The following ACLY variants were observed in gnomAD, a reference collection of about 807,000 sequenced individuals.
The protein encoded by ACLY is ATP citrate lyase, also known as ATP-citrate synthase.
Under a neutral mutation model 133.0 loss-of-function variants are expected in ACLY, and 41 were observed. That is an observed-to-expected ratio of 0.31 (90% CI 0.24 to 0.40). The LOEUF (loss-of-function observed/expected upper bound fraction) is 0.40. Among genes scored for constraint, ACLY ranks in the 10% least tolerant of loss-of-function variants. The pLI, the probability that ACLY is intolerant of heterozygous loss-of-function variation, is 1.00. For missense variants in ACLY, 1,046 were observed against 1,453.8 expected (o/e 0.72, Z 4.56); for synonymous variants, 495 against 549.3 (o/e 0.90, Z 1.38).
chr17:41,881,143 G>GAATC (rs2048906197), intron 20 of ACLY, among the ~76,000 whole-genome samples: 1 of 151,810 alleles, frequency 6.6e-6, no homozygotes, highest in Admixed American at 6.6e-5. Flanking sequence ...AGAAGAAAGA[G>GAATC]AATCGGCTGG....
At position 41,892,291 on chromosome 17, in the gene ACLY, C is replaced by T. The variant is rs1446310399; in HGVS notation, c.1758G>A (p.Met586Ile). 4 of 1,363,538 alleles carry T rather than the reference C, an allele frequency of 2.9e-6. No individual in the cohort carries two copies. In the Admixed American group the frequency reaches 6.5e-5, roughly 22 times the overall value. 84.5% of individuals were successfully genotyped at this position (1,363,538 alleles called of 1,614,324 possible). A position where few individuals can be genotyped will look rare whatever the true frequency, so the allele number is the denominator to read the frequency against. Residue 586 changes from methionine to isoleucine, a missense_variant, in exon 16 of 29, where the codon ATG (methionine) becomes ATA (isoleucine). Coordinates refer to ENST00000352035, the MANE Select transcript of ACLY (RefSeq NM_001096.3). ...RSAYDSTMET[M>I]NYAQIRTIAI... is the part of the protein sequence containing the mutation. Reference sequence around the variant, plus strand: ...CCCAGTGATCTACCTGGGCATAGTTCATGGTCTCCATGGTGCTGTCATAGG... The same window carrying T: ...CCCAGTGATCTACCTGGGCATAGTTTATGGTCTCCATGGTGCTGTCATAGG...
intron 1 of ACLY, among the ~76,000 whole-genome samples, 184 bp downstream of exon 1, chr17:41,918,696 C>G (rs2050122904): frequency 6.6e-6 from 1 of 152,130 alleles, no homozygotes; most frequent in Admixed American, 6.5e-5. Flanking sequence ...GGGGCGTCGA[C>G]ACGCGGCCAC....
upstream of ACLY, among the ~76,000 whole-genome samples, chr17:41,921,101 G>A (rs1555635368): frequency 6.7e-6 from 1 of 148,498 alleles, no homozygotes; most frequent in Non-Finnish European, 1.5e-5. Flanking sequence ...ACTCTAGCGG[G>A]GGCAACAAGA....
chr17:41,910,818 C>T (rs966089347), intron 3 of ACLY, among the ~76,000 whole-genome samples: 4 of 152,176 alleles, frequency 2.6e-5, no homozygotes, highest in East Asian at 3.9e-4. Context: ...TCCCTGGCGG[C>T]GGCTGTGGCG....
chr17:41,918,667 G>A (rs573375713), intron 1 of ACLY, among the ~76,000 whole-genome samples: 1 of 152,286 alleles, frequency 6.6e-6, no homozygotes, highest in African/African-American at 2.4e-5. Flanking sequence ...ATATGTGTGT[G>A]TCGCGCGGGG....
rs782140647 is a variant in ACLY at position 41,869,457 on chromosome 17, A to G, written c.3051+17T>C. 6.9e-6 allele frequency: 11 copies of G among 1,598,024 alleles called. No individual in the cohort carries two copies. The East Asian group carries it at 2.5e-4, about 36-fold the overall frequency. ...CTTGTCCAACGTGAGGGAATTAGGA[A>G]GTTTTTTCTTTGTTACCTTCGAGGT... On this transcript the variant is annotated intron_variant, in intron 26 of 28. Coordinates refer to ENST00000352035, the MANE Select transcript of ACLY (RefSeq NM_001096.3).
At chr17:41,912,595 G>C in intron 2 of ACLY, 53 bp from the exon 3 acceptor site, 1 of 1,608,346 alleles carries the variant, frequency 6.2e-7, no homozygotes, top group Non-Finnish European at 8.5e-7. Flanking sequence ...ATAAACCGTA[G>C]TATTTTGGGG....
At chr17:41,899,730 G>A (rs968849728) in intron 11 of ACLY, among the ~76,000 whole-genome samples, 71 of 152,012 alleles carry the variant, frequency 4.7e-4, no homozygotes, top group African/African-American at 1.7e-3. Context: ...ACTGCACATA[G>A]CAGATCCTCA....
rs2050213874 is a variant in ACLY at position 41,924,119 on chromosome 17, AT to A, written c.-28+6238del. Reference sequence around the variant, plus strand: ...CCACCACGCCCGGCCCAGTTCTACTATTTTTTTCTTTTTATTTATTTATTTT... The same window carrying A: ...CCACCACGCCCGGCCCAGTTCTACTATTTTTTCTTTTTATTTATTTATTTT... On this transcript the variant is annotated intron_variant, in intron 1 of 3. Coordinates refer to the ACLY transcript ENST00000592970. 2.1e-5 allele frequency among the ~76,000 whole-genome samples: 3 copies of A among 143,034 alleles called. No individual in the cohort carries two copies. In the East Asian group the frequency reaches 6.5e-4, roughly 31 times the overall value. 93.8% of individuals were successfully genotyped at this position (143,034 alleles called of 152,430 possible).
At chr17:41,904,217 G>A (rs1372891455) in intron 10 of ACLY, among the ~76,000 whole-genome samples, 14 of 116,904 alleles carry the variant, frequency 1.2e-4, no homozygotes, top group African/African-American at 4.6e-4. Flanking sequence ...GAAAGGAAGG[G>A]AGGGAGGAAA....
At chr17:41,930,447 A>C in exon 1 of ACLY, 1 of 366,264 alleles carries the variant, frequency 2.7e-6, no homozygotes, top group Non-Finnish European at 5.1e-6. Context: ...TCAGGCAGCA[A>C]CTCCAGAGAG....
At chr17:41,879,893 G>GT (rs2048871926) in intron 20 of ACLY, among the ~76,000 whole-genome samples, 1 of 151,408 alleles carries the variant, frequency 6.6e-6, no homozygotes, top group South Asian at 2.1e-4. Flanking sequence ...CTGGCTAAAA[G>GT]TTTTTTGTAG....
chr17:41,930,433 C>A (rs1264577517), exon 1 of ACLY: 1 of 338,562 alleles, frequency 3.0e-6, no homozygotes, highest in Non-Finnish European at 5.6e-6. Flanking sequence ...ACAAGGGAGC[C>A]TTTTCAGGCA....
At chr17:41,872,216 C>A in intron 23 of ACLY, 34 bp from the exon 24 acceptor site, 2 of 1,598,416 alleles carry the variant, frequency 1.3e-6, no homozygotes, top group South Asian at 2.2e-5. Context: ...AGGAGATGGT[C>A]GACAAGGCCA....
intron 14 of ACLY, among the ~76,000 whole-genome samples, chr17:41,894,831 C>T (rs1038391181): frequency 1.3e-5 from 2 of 152,086 alleles, no homozygotes; most frequent in African/African-American, 4.8e-5. Context: ...TCTGAGCTCC[C>T]CTAGGAAGAA....
chr17:41,878,210 A>G lies in ACLY; in HGVS notation c.2394-14T>C, dbSNP rs782776991. ...TCGTATACAGACCTGGGAGGCAGGA[A>G]AAAAAAGACATCCATGTGGATTTTC... is the stretch of plus-strand genomic sequence containing the variant. On this transcript the variant is annotated splice_polypyrimidine_tract_variant and intron_variant, in intron 21 of 28. Coordinates refer to ENST00000352035, the MANE Select transcript of ACLY (RefSeq NM_001096.3). 5 of 1,538,796 alleles carry G rather than the reference A, an allele frequency of 3.2e-6. No homozygotes were observed. The highest frequency in any genetic ancestry group is 2.4e-5 in the East Asian group (1 of 40,986).
rs1307408000 is a variant in ACLY at position 41,887,602 on chromosome 17, G to A, written c.1872C>T (p.Ala624=). The A allele has an allele frequency of 1.2e-6, 2 of 1,613,670 alleles. No individual in the cohort carries two copies. The highest frequency in any genetic ancestry group is 2.2e-5 in the South Asian group (2 of 91,074). ...GCTTTCCGGAGGGGAAGCTCACAGT[G>A]GCAGGTCCGATGATGGTCACTCCCT... is the stretch of plus-strand genomic sequence containing the variant. ...DQKGVTIIGP[A]TVGGIKPGCF... The change falls in exon 17 of 29, where the codon GCC becomes GCT. Residue 624 remains alanine, a synonymous_variant. Transcript: ENST00000352035.
chr17:41,883,242 A>C lies in ACLY; in HGVS notation c.2155-10T>G. The C allele has an allele frequency of 6.2e-7, 1 of 1,612,502 alleles. No individual in the cohort carries two copies. The highest frequency in any genetic ancestry group is 1.1e-5 in the South Asian group (1 of 91,060). Reference sequence around the variant, plus strand: ...CCTCAGTGCCCCCAATCTGCCAAGGAATGGGGAATGAGAAAAAGCCAAGTT... The same window carrying C: ...CCTCAGTGCCCCCAATCTGCCAAGGCATGGGGAATGAGAAAAAGCCAAGTT... On this transcript the variant is annotated splice_polypyrimidine_tract_variant and intron_variant, in intron 19 of 28. Coordinates refer to ENST00000352035, the MANE Select transcript of ACLY (RefSeq NM_001096.3).
At chr17:41,869,277 A>C in intron 26 of ACLY, 152 bp from the exon 27 acceptor site, 1 of 850,012 alleles carries the variant, frequency 1.2e-6, no homozygotes, top group South Asian at 1.7e-5. Flanking sequence ...ACTCAGTTCA[A>C]TTCCCAGCAT....
Sources: gnomAD v4.1 joint callset for allele counts (sites outside exome capture counted in the v4.1 genomes callset) on GRCh38, gnomAD v4.1.1 for gene constraint, MANE v1.5 for transcripts, NCBI Gene and HGNC (gene_info 2026-07-23, HGNC 2026-07-21) for gene names.